Variants in ANKK1 observed in about 807,000 individuals in gnomAD.
The protein encoded by ANKK1 is ankyrin repeat and protein kinase domain-containing protein 1.
In ANKK1, 37 loss-of-function variants were observed where a neutral mutation model predicts 37.6. The observed-to-expected ratio is 0.98, with a 90% CI of 0.76 to 1.29. The LOEUF is 1.29. Among genes scored for constraint, ANKK1 ranks in the 50% most tolerant of loss-of-function variants. The pLI, the probability that ANKK1 is intolerant of heterozygous loss-of-function variation, is 0.00. For missense variants in ANKK1, 1,019 were observed against 990.6 expected (o/e 1.03, Z -0.39); for synonymous variants, 415 against 418.7 (o/e 0.99, Z 0.11).
At chr11:113,393,876 C>A in intron 2 of ANKK1, 101 bp downstream of exon 2, 2 of 1,330,206 alleles carry the variant, frequency 1.5e-6, no homozygotes, top group South Asian at 1.5e-5. Context: ...GGGTTTTAAG[C>A]AGTTCCCTTC....
intron 1 of ANKK1, among the ~76,000 whole-genome samples, chr11:113,391,243 G>A (rs1441790450): frequency 6.6e-6 from 1 of 152,232 alleles, no homozygotes; most frequent in Non-Finnish European, 1.5e-5. Flanking sequence ...GGCACAATGA[G>A]AGGAGGGTGA....
Position 113,399,619 on chromosome 11 carries a change from A to T in ANKK1, c.1650A>T (p.Gly550=). 6.2e-7 allele frequency: 1 copy of T among 1,606,776 alleles called. No homozygotes were observed. Among genetic ancestry groups the T allele is most frequent in the Non-Finnish European group, 8.5e-7 (1 of 1,176,812 alleles). The change falls in exon 8 of 8, where the codon GGA becomes GGT. Residue 550 remains glycine (G), a synonymous_variant. Transcript: ENST00000303941. Reference sequence around the variant, plus strand: ...CCATCCAACACCTGCTGAAGAGTGGAGCGGTCCCTGATGCCCTTGACCAGA... The same window carrying T: ...CCATCCAACACCTGCTGAAGAGTGGTGCGGTCCCTGATGCCCTTGACCAGA... ...VRAIQHLLKS[G]AVPDALDQSG...
intron 1 of ANKK1, among the ~76,000 whole-genome samples, chr11:113,390,467 G>A (rs990497660): frequency 1.3e-5 from 2 of 152,206 alleles, no homozygotes; most frequent in Non-Finnish European, 2.9e-5. Flanking sequence ...GGCTGGGCCT[G>A]GTGGCTCACG....
chr11:113,397,947 T>G (rs956481550), intron 6 of ANKK1, 33 bp from the exon 7 acceptor site: 1 of 1,554,288 alleles, frequency 6.4e-7, no homozygotes, highest in South Asian at 1.2e-5. Context: ...GCGCCACTGA[T>G]CTCCACCCTG....
intron 2 of ANKK1, 127 bp from the exon 3 acceptor site, chr11:113,394,802 G>T: frequency 7.8e-7 from 1 of 1,286,752 alleles, no homozygotes. Context: ...AGTGCTAGGA[G>T]GGAGTGTCAT....
Position 113,387,897 on chromosome 11 carries a change from C to A in ANKK1, c.13C>A (p.Pro5Thr). The change falls in exon 1 of 8, where the codon CCC (proline) becomes ACC (threonine). Residue 5 changes from proline (P) to threonine (T), a missense_variant. Physicochemically the swap from Pro to Thr is conservative, Grantham distance 38. Coordinates refer to ENST00000303941, the MANE Select transcript of ANKK1 (RefSeq NM_178510.2). MAAD[P>T]TELRLGSLPV... ...GAAGAGAGGGGCAATGGCTGCCGAC[C>A]CCACCGAGCTGCGGCTGGGCAGCCT... 1 of 1,550,506 alleles carries A rather than the reference C, an allele frequency of 6.4e-7. No homozygotes were observed. The highest frequency in any genetic ancestry group is 8.7e-7 in the Non-Finnish European group (1 of 1,151,110).
In ANKK1 at chr11:113,399,997, C is replaced by T. The variant is rs1199441956; in HGVS notation, c.2028C>T (p.Ile676=). ...AGAGGAGCACCTTCCTGAGTGTCAT[C>T]AACCTCCTAGAACATCACGCAAATG... ...AVQRSTFLSV[I]NLLEHHANVH... is the part of the protein sequence containing the mutation. The change falls in exon 8 of 8, where the codon ATC becomes ATT. Residue 676 remains isoleucine, a synonymous_variant. Transcript: ENST00000303941. 1 of 1,613,528 alleles carries T rather than the reference C, an allele frequency of 6.2e-7. No homozygotes were observed. The highest frequency in any genetic ancestry group is 1.7e-5 in the Admixed American group (1 of 60,020).
At chr11:113,398,106 C>T (rs1950654344) in intron 7 of ANKK1, 90 bp downstream of exon 7, 1 of 1,438,090 alleles carries the variant, frequency 7.0e-7, no homozygotes. Flanking sequence ...CCTGGCCTCC[C>T]CCTCATCCCC....
Position 113,395,277 on chromosome 11 carries a change from G to A in ANKK1, c.633-82G>A, listed in dbSNP as rs11214597. ...CTTGCCTGGGACTGTGTGAACTGTAGCCCCCCGACCCTGCCACCCCGGGCT... is the reference window on the plus strand; with the variant it reads ...CTTGCCTGGGACTGTGTGAACTGTAACCCCCCGACCCTGCCACCCCGGGCT... On this transcript the variant is annotated intron_variant, in intron 3 of 7. Transcript: ENST00000303941. The A allele has an allele frequency of 0.034, 53,307 of 1,563,594 alleles. 5,209 individuals carry two copies. In the East Asian group the frequency reaches 0.44, roughly 13 times the overall value.
At chr11:113,395,999 G>T in intron 4 of ANKK1, 68 bp from the exon 5 acceptor site, 2 of 1,570,946 alleles carry the variant, frequency 1.3e-6, no homozygotes, top group Non-Finnish European at 1.7e-6. Flanking sequence ...CAGAGCCCCC[G>T]CCTTCCTCCC....
At chr11:113,393,823 T>A in intron 2 of ANKK1, 48 bp downstream of exon 2, 1 of 1,537,240 alleles carries the variant, frequency 6.5e-7, no homozygotes, top group South Asian at 1.2e-5. Context: ...GAGGGTTGCC[T>A]CCAGGTGAGC....
chr11:113,389,652 G>A (rs1014344227), intron 1 of ANKK1, among the ~76,000 whole-genome samples: 6 of 152,228 alleles, frequency 3.9e-5, no homozygotes, highest in African/African-American at 1.4e-4. Context: ...CTTCCTTGAA[G>A]AAGTTACACT....
chr11:113,390,660 A>AG (rs1208524235), intron 1 of ANKK1, among the ~76,000 whole-genome samples: 1 of 151,210 alleles, frequency 6.6e-6, no homozygotes, highest in East Asian at 2.0e-4. Flanking sequence ...GCTTGAACCC[A>AG]GGAGGCAGAG....
rs372467643 is a variant in ANKK1 at position 113,395,075 on chromosome 11, G to A, written c.627G>A (p.Val209=). Residue 209 remains valine (V), a synonymous_variant, in exon 3 of 8, where the codon GTG becomes GTA. Transcript: ENST00000303941. ...SNKAPGPKYD[V]YSFAIVIWEL... ...AGGCCCCAGGACCTAAATATGATGT[G>A]TACAGGTGAGAAGGAGGCCTGGCGT... The A allele has an allele frequency of 6.2e-7, 1 of 1,604,062 alleles. No homozygotes were observed. The highest frequency in any genetic ancestry group is 1.7e-5 in the Admixed American group (1 of 59,038).
intron 3 of ANKK1, 41 bp downstream of exon 3, chr11:113,395,121 C>A (rs1274052083): frequency 7.0e-6 from 11 of 1,562,476 alleles, no homozygotes; most frequent in Non-Finnish European, 8.7e-6. Flanking sequence ...ACCCAGCAGG[C>A]AGTTTGCTGC....
In ANKK1 at chr11:113,399,093, T is replaced by G. The variant is rs1265324627; in HGVS notation, c.1124T>G (p.Val375Gly). The stretch of plus-strand genomic sequence containing the variant: ...CACTTCCTGGTGGCCCAGGGCAGTG[T>G]GGAGCAGGTGAGGTTGCTGCTGGCC... ...PLHFLVAQGS[V>G]EQVRLLLAHE... The change falls in exon 8 of 8, where the codon GTG becomes GGG. Residue 375 changes from valine to glycine, a missense_variant. Coordinates refer to ENST00000303941, the MANE Select transcript of ANKK1 (RefSeq NM_178510.2). The G allele has an allele frequency of 6.3e-7, 1 of 1,594,982 alleles. No homozygotes were observed. The highest frequency in any genetic ancestry group is 8.5e-7 in the Non-Finnish European group (1 of 1,170,740).
intron 1 of ANKK1, among the ~76,000 whole-genome samples, chr11:113,390,703 C>G (rs1950580562): frequency 6.7e-6 from 1 of 150,246 alleles, no homozygotes; most frequent in South Asian, 2.1e-4. Context: ...CCATTGCACT[C>G]CAGCCTGGGC....
intron 2 of ANKK1, among the ~76,000 whole-genome samples, chr11:113,394,450 A>G (rs1335148019): frequency 6.6e-6 from 1 of 152,182 alleles, no homozygotes; most frequent in African/African-American, 2.4e-5. Flanking sequence ...CTTGGTCCAC[A>G]GCCTTCCTGG....
At chr11:113,398,317 A>T (rs80141781) in intron 7 of ANKK1, among the ~76,000 whole-genome samples, 6 of 92,588 alleles carry the variant, frequency 6.5e-5, no homozygotes, top group Middle Eastern at 4.5e-3. Context: ...GGGAAATTAA[A>T]AAAAAAAAAA....
Sources: gnomAD v4.1 joint callset for allele counts (sites outside exome capture counted in the v4.1 genomes callset) on GRCh38, gnomAD v4.1.1 for gene constraint, MANE v1.5 for transcripts, NCBI Gene and HGNC (gene_info 2026-07-23, HGNC 2026-07-21) for gene names.